MTMR8: variants seen among roughly 807,000 people sequenced by gnomAD.
The protein encoded by MTMR8 is phosphatidylinositol-3,5-bisphosphate 3-phosphatase MTMR8.
MTMR8 carries 65 observed loss-of-function variants against 39.3 expected under a neutral mutation model. The ratio of observed to expected loss-of-function variants is 1.65; its 90% CI spans 1.35 to 2.03. The LOEUF (loss-of-function observed/expected upper bound fraction) is 2.03. Ranked by LOEUF, MTMR8 falls within the 30% of genes most tolerant of loss-of-function variation. The probability of loss-of-function intolerance (pLI) is 0.00; values close to 1 mark genes in which losing one functional copy is unlikely to be tolerated. For synonymous variants in MTMR8, 245 were observed against 185.2 expected (o/e 1.32, Z -2.62); for missense variants, 777 against 538.9 (o/e 1.44, Z -4.37).
intron 1 of MTMR8, among the ~76,000 whole-genome samples, chrX:64,390,326 C>G (rs1406949368): frequency 8.9e-6 from 1 of 112,299 alleles, no homozygotes; most frequent in Non-Finnish European, 1.9e-5. Flanking sequence ...GTGTTATTAA[C>G]ATACTACAAA....
intron 8 of MTMR8, among the ~76,000 whole-genome samples, chrX:64,343,330 C>T (rs1646270455): frequency 9.0e-6 from 1 of 111,692 alleles, no homozygotes; most frequent in Non-Finnish European, 1.9e-5. Context: ...ATCATATGTT[C>T]ATTTTTCCAG....
At chrX:64,275,864 A>G (rs904348918) in intron 12 of MTMR8, among the ~76,000 whole-genome samples, 1 of 111,139 alleles carries the variant, frequency 9.0e-6, no homozygotes, top group African/African-American at 3.3e-5. Flanking sequence ...ATAACCCAGA[A>G]TAAATGGATA....
chrX:64,363,154 G>A (rs769270384), intron 1 of MTMR8, among the ~76,000 whole-genome samples: 46 of 111,441 alleles, frequency 4.1e-4, no homozygotes, highest in Non-Finnish European at 2.6e-4. Context: ...GGGACCATTC[G>A]GAAGGGCAAT....
intron 12 of MTMR8, among the ~76,000 whole-genome samples, chrX:64,301,268 G>A (rs1244036530): frequency 5.6e-5 from 6 of 106,938 alleles, no homozygotes; most frequent in African/African-American, 2.0e-4. Flanking sequence ...TGGAGGCTTT[G>A]CTCATTTCTT....
intron 1 of MTMR8, among the ~76,000 whole-genome samples, chrX:64,373,915 A>G (rs1924192735): frequency 8.9e-6 from 1 of 111,739 alleles, no homozygotes. Flanking sequence ...CTCAAAGAAA[A>G]AAAGCCAAAT....
intron 12 of MTMR8, among the ~76,000 whole-genome samples, chrX:64,282,644 T>A (rs181859518): frequency 9.0e-6 from 1 of 111,365 alleles, no homozygotes; most frequent in African/African-American, 3.3e-5. Context: ...GAACACAGGA[T>A]AAAACATCAT....
intron 8 of MTMR8, among the ~76,000 whole-genome samples, chrX:64,340,751 T>C (rs113708519): frequency 0.036 from 3,968 of 111,184 alleles, 83 homozygotes; most frequent in Middle Eastern, 0.16. Flanking sequence ...CCAAACAGAG[T>C]CAAAAGTCAC....
intron 1 of MTMR8, among the ~76,000 whole-genome samples, chrX:64,386,210 G>A (rs969863574): frequency 1.1e-4 from 12 of 111,734 alleles, no homozygotes; most frequent in East Asian, 2.8e-4. Flanking sequence ...CAGTGGGAAC[G>A]CTCATTCTAT....
At chrX:64,326,926 T>C (rs143870686) in intron 12 of MTMR8, among the ~76,000 whole-genome samples, 9 of 108,852 alleles carry the variant, frequency 8.3e-5, no homozygotes, top group East Asian at 5.8e-4. Context: ...AGAACAAACA[T>C]TGGGGAAAAT....
chrX:64,331,996 A>G (rs947928613), intron 10 of MTMR8, among the ~76,000 whole-genome samples: 2 of 111,426 alleles, frequency 1.8e-5, no homozygotes, highest in Non-Finnish European at 3.8e-5. Context: ...ATTTTTTTAT[A>G]CACCCTCTTT....
At chrX:64,389,996 C>T (rs1034372569) in intron 1 of MTMR8, among the ~76,000 whole-genome samples, 2 of 112,070 alleles carry the variant, frequency 1.8e-5, no homozygotes, top group Non-Finnish European at 3.8e-5. Context: ...ACAATTCTCA[C>T]CTCTGGAAAT....
chrX:64,269,179 C>A, intron 13 of MTMR8, 136 bp from the exon 14 acceptor site: 3 of 581,880 alleles, frequency 5.2e-6, no homozygotes, highest in Admixed American at 3.8e-5. Flanking sequence ...CCCCCTCCCC[C>A]ACAACATCTT....
At chrX:64,283,718 T>G (rs1921046190) in intron 12 of MTMR8, among the ~76,000 whole-genome samples, 1 of 112,565 alleles carries the variant, frequency 8.9e-6, no homozygotes, top group Non-Finnish European at 1.9e-5. Context: ...AAACAGGGTC[T>G]GGAGTGGACC....
At chrX:64,326,029 C>T (rs1369041064) in intron 12 of MTMR8, among the ~76,000 whole-genome samples, 1 of 111,576 alleles carries the variant, frequency 9.0e-6, no homozygotes, top group Non-Finnish European at 1.9e-5. Flanking sequence ...TTGATTAACA[C>T]CTATTTTGTA....
In MTMR8 at chrX:64,345,168, T is replaced by C. The variant is rs1188825412; in HGVS notation, c.742A>G (p.Met248Val). ...CCCTTCCCAGCTGCTCGGTTGGCCA[T>C]GGCATTCAACTGCAATAGCAGAGGA... is the stretch of plus-strand genomic sequence containing the variant. ...VVDTRPKLNA[M>V]ANRAAGKGYE... The change falls in exon 7 of 14, where the codon ATG becomes GTG. Residue 248 changes from methionine to valine, a missense_variant. Transcript: ENST00000374852. 1 of 1,211,144 alleles carries C rather than the reference T, an allele frequency of 8.3e-7. No homozygotes were observed. The highest frequency in any genetic ancestry group is 1.8e-5 in the South Asian group (1 of 56,960).
chrX:64,289,959 A>G (rs1434531548), intron 12 of MTMR8, among the ~76,000 whole-genome samples: 1 of 111,082 alleles, frequency 9.0e-6, no homozygotes, highest in Non-Finnish European at 1.9e-5. Flanking sequence ...GTTCAGAGAT[A>G]GAAAGTAGAT....
Position 64,363,714 on chromosome X carries a change from C to A in MTMR8, c.25-4187G>T, listed in dbSNP as rs747353401. 1.9e-3 allele frequency among the ~76,000 whole-genome samples: 216 copies of A among 111,698 alleles called. 2 individuals carry two copies. Among genetic ancestry groups the A allele is most frequent in the African/African-American group, 6.3e-3 (194 of 30,725 alleles). ...ATTTCTGCATTTCCAACTGAGGTAC[C>A]TGGTTCATCTAATTGGGACTGGTTG... On this transcript the variant is annotated intron_variant, in intron 1 of 13. Coordinates refer to ENST00000374852, the MANE Select transcript of MTMR8 (RefSeq NM_017677.4).
intron 12 of MTMR8, among the ~76,000 whole-genome samples, chrX:64,297,658 T>G (rs369269494): frequency 1.0e-5 from 1 of 97,340 alleles, no homozygotes; most frequent in Non-Finnish European, 2.1e-5. Context: ...TCCTTGCCCA[T>G]GCCTATGTCC....
chrX:64,304,629 C>A (rs1349712933), intron 12 of MTMR8, among the ~76,000 whole-genome samples: 1 of 108,308 alleles, frequency 9.2e-6, no homozygotes, highest in Non-Finnish European at 1.9e-5. Flanking sequence ...AGTCAATGTT[C>A]TTTCTCAGGC....
Sources: allele counts gnomAD v4.1 joint callset (sites outside exome capture counted in the v4.1 genomes callset), GRCh38; gene constraint gnomAD v4.1.1; transcripts MANE v1.5; gene names NCBI Gene and HGNC (gene_info 2026-07-23, HGNC 2026-07-21).